Variants in DISC1 observed in about 807,000 individuals in gnomAD.
DISC1 encodes DISC1 scaffold protein, also known as disrupted in schizophrenia 1 protein.
A neutral mutation model predicts 84.5 loss-of-function variants in DISC1; 57 were observed. The observed-to-expected ratio is 0.67, with a 90% CI of 0.55 to 0.84. The LOEUF (loss-of-function observed/expected upper bound fraction) is 0.84, where lower values mean the gene tolerates loss of function less well. Among genes scored for constraint, DISC1 ranks in the 40% least tolerant of loss-of-function variants. DISC1 has a pLI of 0.00. For synonymous variants in DISC1, 411 were observed against 415.2 expected, an observed-to-expected ratio of 0.99 and a Z score of 0.12; for missense variants, 1,000 against 1,057.8, an observed-to-expected ratio of 0.95 and a Z score of 0.76.
At chr1:231,927,152 G>A (rs1378013804) in intron 9 of DISC1, among the ~76,000 whole-genome samples, 3 of 152,136 alleles carry the variant, frequency 2.0e-5, no homozygotes, top group Non-Finnish European at 4.4e-5. Flanking sequence ...TTTTCTTTGA[G>A]TCACAGAGGA....
intron 1 of DISC1, among the ~76,000 whole-genome samples, chr1:231,680,724 T>G (rs975239008): frequency 2.0e-5 from 3 of 152,244 alleles, no homozygotes; most frequent in African/African-American, 7.2e-5. Context: ...TAAAAGATGC[T>G]CCAGCTTCCA....
chr1:231,894,290 A>T (rs983035562), intron 9 of DISC1, among the ~76,000 whole-genome samples: 1 of 152,206 alleles, frequency 6.6e-6, no homozygotes, highest in Non-Finnish European at 1.5e-5. Context: ...CATAGTGGAC[A>T]CCCATGTATA....
intron 1 of DISC1, among the ~76,000 whole-genome samples, chr1:231,669,928 T>G (rs2062427284): frequency 6.6e-6 from 1 of 152,144 alleles, no homozygotes; most frequent in Admixed American, 6.5e-5. Context: ...ATGTGTATGT[T>G]CACTGCAGCA....
At chr1:231,907,512 T>C (rs185983354) in intron 9 of DISC1, among the ~76,000 whole-genome samples, 1 of 152,162 alleles carries the variant, frequency 6.6e-6, no homozygotes, top group Non-Finnish European at 1.5e-5. Flanking sequence ...GAACTTATCC[T>C]TTTTTATGGC....
rs1670737434 is a variant in DISC1 at position 232,040,419 on chromosome 1, C to T, written c.*3588C>T. 6.6e-6 allele frequency: 1 copy of T among 152,214 alleles called. No individual in the cohort carries two copies. The highest frequency in any genetic ancestry group is 6.5e-5 in the Admixed American group (1 of 15,278). The allele number at this position is 152,214 out of a possible 1,614,324, so 9.4% of individuals were successfully genotyped here. Reference sequence around the variant, plus strand: ...GAAACATGTAACGGTTGGTACCATGCTAAGCCCTTGCCATGCTAAGCCCTT... The same window carrying T: ...GAAACATGTAACGGTTGGTACCATGTTAAGCCCTTGCCATGCTAAGCCCTT... On this transcript the variant is annotated 3_prime_UTR_variant, in exon 13 of 13. Transcript: ENST00000439617.
chr1:231,632,024 G>A (rs2058751052), intron 1 of DISC1, among the ~76,000 whole-genome samples: 1 of 152,072 alleles, frequency 6.6e-6, no homozygotes, highest in Non-Finnish European at 1.5e-5. Context: ...ACTGTACCTT[G>A]TCTATGTTTA....
intron 4 of DISC1, among the ~76,000 whole-genome samples, chr1:231,753,349 C>T (rs973049558): frequency 1.3e-5 from 2 of 152,250 alleles, no homozygotes; most frequent in Non-Finnish European, 2.9e-5. Flanking sequence ...AGGCTTAACA[C>T]CATGTGGAAA....
Position 232,022,371 on chromosome 1 carries a change from G to A in DISC1, c.2308-4064G>A, listed in dbSNP as rs532620542. On this transcript the variant is annotated intron_variant, in intron 11 of 12. Transcript: ENST00000439617. ...TTGCCAGGCCGGAGTGCAGTGGTGCGATCTTGGCTTACTGCAACCTCCGCC... is the reference window on the plus strand; with the variant it reads ...TTGCCAGGCCGGAGTGCAGTGGTGCAATCTTGGCTTACTGCAACCTCCGCC... 2.2e-3 allele frequency among the ~76,000 whole-genome samples: 336 copies of A among 150,676 alleles called. 1 individual carries two copies. Among genetic ancestry groups the A allele is most frequent in the African/African-American group, 7.7e-3 (314 of 40,908 alleles).
At chr1:231,736,233 A>G (rs1426555206) in intron 3 of DISC1, among the ~76,000 whole-genome samples, 2 of 152,156 alleles carry the variant, frequency 1.3e-5, no homozygotes, top group Non-Finnish European at 2.9e-5. Flanking sequence ...CCCAGTATCC[A>G]GGGACCCAGA....
chr1:231,773,112 G>A (rs1278615388), intron 6 of DISC1, among the ~76,000 whole-genome samples: 1 of 152,172 alleles, frequency 6.6e-6, no homozygotes, highest in East Asian at 1.9e-4. Flanking sequence ...ACCATCTTGT[G>A]TACAACTATG....
intron 1 of DISC1, among the ~76,000 whole-genome samples, chr1:231,667,863 C>G (rs1464100490): frequency 6.6e-6 from 1 of 151,916 alleles, no homozygotes; most frequent in Non-Finnish European, 1.5e-5. Flanking sequence ...TTTTTCAAAA[C>G]TACTTTATTG....
chr1:231,637,898 G>T (rs1198713602), intron 1 of DISC1, among the ~76,000 whole-genome samples: 1 of 152,122 alleles, frequency 6.6e-6, no homozygotes, highest in Non-Finnish European at 1.5e-5. Flanking sequence ...TTTATTTTTA[G>T]TTCTTTGAGA....
At chr1:231,959,135 G>A in intron 10 of DISC1, 1 of 1,179,096 alleles carries the variant, frequency 8.5e-7, no homozygotes, top group South Asian at 3.1e-5. Context: ...GAGTTTTCAT[G>A]TTCCATAAGA....
chr1:231,948,391 TG>T (rs1195630982), intron 9 of DISC1, among the ~76,000 whole-genome samples: 2 of 151,896 alleles, frequency 1.3e-5, no homozygotes, highest in African/African-American at 4.8e-5. Context: ...CACTCATAAG[TG>T]GGAGCTGAAT....
At chr1:231,659,407 T>C (rs1054312317) in intron 1 of DISC1, among the ~76,000 whole-genome samples, 8 of 152,178 alleles carry the variant, frequency 5.3e-5, no homozygotes, top group Admixed American at 4.6e-4. Context: ...ATCTATTTTA[T>C]TATTTTTTTC....
chr1:231,669,311 A>G (rs983361420), intron 1 of DISC1, among the ~76,000 whole-genome samples: 7 of 152,354 alleles, frequency 4.6e-5, no homozygotes, highest in Admixed American at 3.9e-4. Flanking sequence ...GGACATAGAC[A>G]TGGGCCAAGA....
chr1:231,970,575 T>C (rs1345473286), intron 10 of DISC1, among the ~76,000 whole-genome samples: 1 of 152,232 alleles, frequency 6.6e-6, no homozygotes, highest in African/African-American at 2.4e-5. Flanking sequence ...CTGTCATCAT[T>C]TTCTTTGCCA....
chr1:231,726,981 A>G (rs1042237056), intron 3 of DISC1, among the ~76,000 whole-genome samples: 2 of 152,174 alleles, frequency 1.3e-5, no homozygotes, highest in African/African-American at 4.8e-5. Context: ...CTCTCAAGCT[A>G]ATAGAATCAA....
chr1:231,684,298 C>T (rs1405955762), intron 1 of DISC1, among the ~76,000 whole-genome samples: 1 of 151,692 alleles, frequency 6.6e-6, no homozygotes, highest in Non-Finnish European at 1.5e-5. Flanking sequence ...CATATATGCA[C>T]CCAACTTGAA....
Sources: gnomAD v4.1 joint callset for allele counts (sites outside exome capture counted in the v4.1 genomes callset) on GRCh38, gnomAD v4.1.1 for gene constraint, MANE v1.5 for transcripts, NCBI Gene and HGNC (gene_info 2026-07-23, HGNC 2026-07-21) for gene names.